The following PIP4K2A variants were observed in gnomAD, a reference collection of about 807,000 sequenced individuals.
The protein encoded by PIP4K2A is phosphatidylinositol 5-phosphate 4-kinase type-2 alpha.
A neutral mutation model predicts 42.9 loss-of-function variants in PIP4K2A; 14 were observed. That is an observed-to-expected ratio of 0.33 (90% CI 0.22 to 0.51). The LOEUF is 0.51. PIP4K2A is among the 20% of genes least tolerant of loss of function. The probability of loss-of-function intolerance (pLI) is 0.97; values close to 1 mark genes in which losing one functional copy is unlikely to be tolerated. For synonymous variants in PIP4K2A, 192 were observed against 192.2 expected (o/e 1.00, Z 0.01); for missense variants, 434 against 519.8 (o/e 0.83, Z 1.61).
At chr10:22,704,500 A>T (rs959447472) in intron 1 of PIP4K2A, among the ~76,000 whole-genome samples, 3 of 152,016 alleles carry the variant, frequency 2.0e-5, no homozygotes, top group Admixed American at 2.0e-4. Context: ...CCTGCTATGA[A>T]AAGGAACAGG....
chr10:22,572,427 G>A (rs148710914), intron 5 of PIP4K2A, among the ~76,000 whole-genome samples: 116 of 152,258 alleles, frequency 7.6e-4, no homozygotes, highest in African/African-American at 2.6e-3. Context: ...ATCAGCCTGG[G>A]CAACATGGTG....
intron 1 of PIP4K2A, among the ~76,000 whole-genome samples, chr10:22,671,903 G>A (rs972285736): frequency 3.3e-5 from 5 of 152,000 alleles, no homozygotes; most frequent in African/African-American, 1.2e-4. Flanking sequence ...CACCCACTGA[G>A]AGGAATAAAT....
At chr10:22,669,396 C>T (rs925653526) in intron 1 of PIP4K2A, among the ~76,000 whole-genome samples, 3 of 152,058 alleles carry the variant, frequency 2.0e-5, no homozygotes, top group African/African-American at 7.2e-5. Flanking sequence ...ACAACGTAAT[C>T]GCCTAACAAC....
chr10:22,595,863 A>T (rs1174874577), intron 3 of PIP4K2A, among the ~76,000 whole-genome samples: 1 of 152,132 alleles, frequency 6.6e-6, no homozygotes, highest in African/African-American at 2.4e-5. Flanking sequence ...GCTTGGGGAG[A>T]GAACAGGCTG....
At position 22,706,053 on chromosome 10, in the gene PIP4K2A, G is replaced by A. The variant is rs942815505; in HGVS notation, c.144+8130C>T. 5.3e-5 allele frequency among the ~76,000 whole-genome samples: 8 copies of A among 151,852 alleles called. No individual in the cohort carries two copies. In the South Asian group the frequency reaches 8.3e-4, roughly 16 times the overall value. ...TCCTTATTTAAAATCATTAGGTCTC[G>A]TGAGAACTAACTATCACGAGAATAC... On this transcript the variant is annotated intron_variant, in intron 1 of 9. Transcript: ENST00000376573.
rs928756717 is a variant in PIP4K2A at position 22,714,453 on chromosome 10, C to CCCGCCG, written c.-133_-128dup. The CCCGCCG allele has an allele frequency of 2.3e-6, 1 of 442,690 alleles. No individual in the cohort carries two copies. Among genetic ancestry groups the CCCGCCG allele is most frequent in the African/African-American group, 2.2e-5 (1 of 46,442 alleles). 27.4% of individuals were successfully genotyped at this position (442,690 alleles called of 1,614,324 possible). The stretch of plus-strand genomic sequence containing the variant: ...CCCCGGCGCGCCGCGCTCCGCTCCG[C>CCCGCCG]CCGCCGCCGCCGGCGCGCTCAGCCC... On this transcript the variant is annotated 5_prime_UTR_variant, in exon 1 of 10. Coordinates refer to ENST00000376573, the MANE Select transcript of PIP4K2A (RefSeq NM_005028.5).
intron 1 of PIP4K2A, among the ~76,000 whole-genome samples, chr10:22,625,377 T>C (rs942993457): frequency 6.6e-6 from 1 of 152,224 alleles, no homozygotes. Context: ...TCTTACCTTT[T>C]TCAGTCTTAA....
chr10:22,698,590 G>A (rs1242329930), intron 1 of PIP4K2A, among the ~76,000 whole-genome samples: 1 of 152,104 alleles, frequency 6.6e-6, no homozygotes, highest in Non-Finnish European at 1.5e-5. Flanking sequence ...TATTTAGGTT[G>A]GTGCAAAAGG....
At chr10:22,600,296 T>C (rs11815476) in intron 3 of PIP4K2A, among the ~76,000 whole-genome samples, 108 of 152,264 alleles carry the variant, frequency 7.1e-4, no homozygotes, top group African/African-American at 2.6e-3. Flanking sequence ...CACTTAAACT[T>C]TGCCATGCTC....
intron 1 of PIP4K2A, among the ~76,000 whole-genome samples, chr10:22,668,741 A>G (rs1254708323): frequency 6.6e-6 from 1 of 152,206 alleles, no homozygotes; most frequent in Admixed American, 6.5e-5. Flanking sequence ...TTTCCAATAC[A>G]CAGTCTACTA....
intron 6 of PIP4K2A, among the ~76,000 whole-genome samples, chr10:22,558,351 G>A (rs1313089999): frequency 6.6e-6 from 1 of 152,162 alleles, no homozygotes; most frequent in Non-Finnish European, 1.5e-5. Context: ...ATTTCTATAA[G>A]GGAAGGAATT....
chr10:22,639,951 T>G (rs1838744182), intron 1 of PIP4K2A, among the ~76,000 whole-genome samples: 2 of 149,944 alleles, frequency 1.3e-5, no homozygotes, highest in South Asian at 4.2e-4. Context: ...GCAAACTTAA[T>G]TAAAACTGGC....
At chr10:22,676,263 G>C (rs2130869685) in intron 1 of PIP4K2A, among the ~76,000 whole-genome samples, 1 of 152,230 alleles carries the variant, frequency 6.6e-6, no homozygotes, top group South Asian at 2.1e-4. Context: ...ATAAAGTTAA[G>C]ACTTCATGTA....
At chr10:22,544,089 G>A (rs1241998146) in intron 7 of PIP4K2A, among the ~76,000 whole-genome samples, 2 of 152,094 alleles carry the variant, frequency 1.3e-5, no homozygotes, top group African/African-American at 4.8e-5. Context: ...CGCAACCCTA[G>A]GAGGAAGGTA....
intron 1 of PIP4K2A, among the ~76,000 whole-genome samples, chr10:22,672,332 A>G (rs79897978): frequency 0.012 from 1,851 of 152,280 alleles, 44 homozygotes; most frequent in African/African-American, 0.041. Context: ...ACAGAATCCA[A>G]TGCACTGTCC....
At chr10:22,538,461 T>A (rs1835996426) in intron 9 of PIP4K2A, among the ~76,000 whole-genome samples, 2 of 152,182 alleles carry the variant, frequency 1.3e-5, no homozygotes. Context: ...ACAACTCTTG[T>A]ATCTCTGGCA....
At chr10:22,649,277 T>C (rs1838945213) in intron 1 of PIP4K2A, among the ~76,000 whole-genome samples, 1 of 152,248 alleles carries the variant, frequency 6.6e-6, no homozygotes, top group African/African-American at 2.4e-5. Flanking sequence ...GTCTATAATG[T>C]CTGTTTCTTT....
intron 3 of PIP4K2A, among the ~76,000 whole-genome samples, chr10:22,601,842 C>T (rs1837787943): frequency 6.6e-6 from 1 of 152,220 alleles, no homozygotes; most frequent in Non-Finnish European, 1.5e-5. Flanking sequence ...TTCTATCCAC[C>T]TGTAGCCCCA....
At chr10:22,563,353 C>T (rs889297608) in intron 6 of PIP4K2A, among the ~76,000 whole-genome samples, 35 of 152,100 alleles carry the variant, frequency 2.3e-4, no homozygotes, top group African/African-American at 8.0e-4. Context: ...CTGCATTAAA[C>T]GTAAAAGTTT....
Sources: gnomAD v4.1 joint callset for allele counts (sites outside exome capture counted in the v4.1 genomes callset) on GRCh38, gnomAD v4.1.1 for gene constraint, MANE v1.5 for transcripts, NCBI Gene and HGNC (gene_info 2026-07-23, HGNC 2026-07-21) for gene names.